SPMIP2: variants seen among roughly 807,000 people sequenced by gnomAD.
SPMIP2 encodes sperm microtubule inner protein 2.
the SPMIP2 span, among the ~76,000 whole-genome samples, chr4:158,943,511 C>T: frequency 6.6e-6 from 1 of 152,052 alleles, no homozygotes; most frequent in Non-Finnish European, 1.5e-5. Context: ...CTTCATAGAC[C>T]ACTGAATTAT....
At chr4:159,057,025 T>C in the SPMIP2 span, among the ~76,000 whole-genome samples, 1 of 152,324 alleles carries the variant, frequency 6.6e-6, no homozygotes, top group South Asian at 2.1e-4. Context: ...ACTGCCCACC[T>C]TGTCCCCCTG....
the SPMIP2 span, among the ~76,000 whole-genome samples, chr4:159,056,277 C>T: frequency 4.6e-5 from 7 of 152,150 alleles, no homozygotes; most frequent in Non-Finnish European, 7.3e-5. Flanking sequence ...TTCTCTTCCC[C>T]GCTTTCCTTA....
chr4:158,953,824 A>C, the SPMIP2 span, among the ~76,000 whole-genome samples: 1 of 152,116 alleles, frequency 6.6e-6, no homozygotes. Flanking sequence ...TTATAATTTG[A>C]CCGCTCCACT....
chr4:158,953,036 T>C, the SPMIP2 span, among the ~76,000 whole-genome samples: 1 of 152,088 alleles, frequency 6.6e-6, no homozygotes, highest in Admixed American at 6.5e-5. Flanking sequence ...CCTGACAATG[T>C]GATAGAAAAG....
the SPMIP2 span, among the ~76,000 whole-genome samples, chr4:159,068,608 T>C: frequency 6.6e-6 from 1 of 151,840 alleles, no homozygotes; most frequent in East Asian, 1.9e-4. Context: ...CATGCATACA[T>C]ATGTAACAAA....
At chr4:158,994,649 C>G in the SPMIP2 span, among the ~76,000 whole-genome samples, 2 of 152,128 alleles carry the variant, frequency 1.3e-5, no homozygotes, top group African/African-American at 4.8e-5. Flanking sequence ...AATCTGTTGA[C>G]ACTAGAGTCA....
the SPMIP2 span, among the ~76,000 whole-genome samples, chr4:159,009,877 T>A: frequency 6.6e-6 from 1 of 152,088 alleles, no homozygotes; most frequent in Non-Finnish European, 1.5e-5. Flanking sequence ...TCCCAGCTAC[T>A]TGGGAGGCTG....
At chr4:159,039,071 C>G in the SPMIP2 span, among the ~76,000 whole-genome samples, 1 of 152,092 alleles carries the variant, frequency 6.6e-6, no homozygotes, top group Admixed American at 6.5e-5. Flanking sequence ...CTTGACTGCC[C>G]TGGGCTCAGG....
chr4:159,067,060 T>C, the SPMIP2 span, among the ~76,000 whole-genome samples: 2 of 152,230 alleles, frequency 1.3e-5, no homozygotes, highest in Non-Finnish European at 2.9e-5. Context: ...ATATAAAGCA[T>C]ACAAGAAAGC....
At chr4:158,936,390 T>TA in the SPMIP2 span, among the ~76,000 whole-genome samples, 2 of 152,236 alleles carry the variant, frequency 1.3e-5, no homozygotes, top group Non-Finnish European at 2.9e-5. Flanking sequence ...GAACGTGATG[T>TA]AACTCTGTGT....
At chr4:158,940,456 C>T in the SPMIP2 span, among the ~76,000 whole-genome samples, 11 of 152,046 alleles carry the variant, frequency 7.2e-5, no homozygotes, top group Non-Finnish European at 1.3e-4. Context: ...AATATCTCAG[C>T]GTCACTCTTT....
the SPMIP2 span, among the ~76,000 whole-genome samples, chr4:158,927,599 C>A: frequency 1.3e-5 from 2 of 152,230 alleles, no homozygotes; most frequent in South Asian, 4.1e-4. Context: ...CCCACTTTGG[C>A]GGCACTTGAG....
the SPMIP2 span, among the ~76,000 whole-genome samples, chr4:159,080,879 A>G: frequency 2.0e-5 from 3 of 151,482 alleles, no homozygotes; most frequent in Non-Finnish European, 4.4e-5. Flanking sequence ...GCCCACCACC[A>G]TGCCCGGCTA....
the SPMIP2 span, among the ~76,000 whole-genome samples, chr4:159,037,989 C>G: frequency 6.6e-6 from 1 of 151,996 alleles, no homozygotes; most frequent in East Asian, 1.9e-4. Flanking sequence ...CTTTCTCTCT[C>G]TCTCTCTCTC....
the SPMIP2 span, among the ~76,000 whole-genome samples, chr4:159,005,185 G>A: frequency 1.5e-4 from 19 of 130,430 alleles, no homozygotes; most frequent in Admixed American, 3.7e-4. Flanking sequence ...TCGCGCCATT[G>A]CACTCCAGCC....
chr4:158,989,138 C>T, the SPMIP2 span, among the ~76,000 whole-genome samples: 1 of 152,040 alleles, frequency 6.6e-6, no homozygotes, highest in Admixed American at 6.6e-5. Context: ...GTCACAATTG[C>T]TACAAAGAGA....
the SPMIP2 span, chr4:159,035,094 C>T: frequency 1.9e-6 from 3 of 1,612,438 alleles, no homozygotes; most frequent in Non-Finnish European, 2.5e-6. Flanking sequence ...ATACAGATGC[C>T]ATGGCTAAAG....
At chr4:158,903,723 G>A in the SPMIP2 span, among the ~76,000 whole-genome samples, 1 of 152,162 alleles carries the variant, frequency 6.6e-6, no homozygotes, top group African/African-American at 2.4e-5. Context: ...ACCCCATGAG[G>A]TAATGCCAGA....
the SPMIP2 span, among the ~76,000 whole-genome samples, chr4:159,044,071 A>G: frequency 6.6e-6 from 1 of 152,196 alleles, no homozygotes; most frequent in Non-Finnish European, 1.5e-5. Context: ...ATTCAGCAGT[A>G]TTTCAATGAG....
Sources: allele counts gnomAD v4.1 joint callset (sites outside exome capture counted in the v4.1 genomes callset), GRCh38; gene constraint gnomAD v4.1.1; transcripts MANE v1.5; gene names NCBI Gene and HGNC (gene_info 2026-07-23, HGNC 2026-07-21).